Variants in ADPRH observed in about 807,000 individuals in gnomAD.
ADPRH encodes ADP-ribosylarginine hydrolase.
In ADPRH, 27 loss-of-function variants were observed where a neutral mutation model predicts 28.8. That is an observed-to-expected ratio of 0.94 (90% CI 0.69 to 1.29). The LOEUF is 1.29. Ranked by LOEUF, ADPRH falls within the 50% of genes most tolerant of loss-of-function variation. The probability of loss-of-function intolerance (pLI) is 0.00; values close to 1 mark genes in which losing one functional copy is unlikely to be tolerated. For missense variants in ADPRH, 419 were observed against 444.8 expected (o/e 0.94, Z 0.52); for synonymous variants, 161 against 166.9 (o/e 0.96, Z 0.27).
At chr3:119,583,773 T>TA (rs1206336714) in intron 3 of ADPRH, among the ~76,000 whole-genome samples, 1 of 151,494 alleles carries the variant, frequency 6.6e-6, no homozygotes, top group Non-Finnish European at 1.5e-5. Flanking sequence ...AGTGGCCAGT[T>TA]AAAAAAAAAT....
At position 119,587,846 on chromosome 3, in the gene ADPRH, G is replaced by A. The variant is rs895537782; in HGVS notation, c.1042G>A (p.Gly348Arg). 1.2e-5 allele frequency: 19 copies of A among 1,608,610 alleles called. No homozygotes were observed. Among genetic ancestry groups the A allele is most frequent in the East Asian group, 4.5e-5 (2 of 44,788 alleles). ...GACAGCTAGGGCTTTATATTCTCTC[G>A]GGTCAAAAGAAGACACTGTAATTTC... ...EETARALYSL[G>R]SKEDTVISL Residue 348 changes from glycine (G) to arginine (R), a missense_variant, in exon 5 of 5, where the codon GGG (glycine) becomes AGG (arginine). Coordinates refer to ENST00000357003, the MANE Select transcript of ADPRH (RefSeq NM_001125.4).
At chr3:119,581,395 C>T (rs1577122524) in intron 2 of ADPRH, among the ~76,000 whole-genome samples, 1 of 152,132 alleles carries the variant, frequency 6.6e-6, no homozygotes, top group Non-Finnish European at 1.5e-5. Flanking sequence ...TTTATTTATT[C>T]CTAACAACAA....
chr3:119,586,986 T>C (rs753842111), intron 4 of ADPRH, among the ~76,000 whole-genome samples: 5 of 152,254 alleles, frequency 3.3e-5, no homozygotes, highest in Non-Finnish European at 5.9e-5. Context: ...ACAAATAATA[T>C]TTTGAAATCC....
rs115443251 is a variant in ADPRH, at chr3:119,585,026, C to T, written c.299-1259C>T. 3.7e-3 allele frequency among the ~76,000 whole-genome samples: 568 copies of T among 152,264 alleles called. 2 individuals are homozygous for T. Among genetic ancestry groups the T allele is most frequent in the African/African-American group, 0.013 (537 of 41,548 alleles). On this transcript the variant is annotated intron_variant, in intron 3 of 4. Coordinates refer to ENST00000357003, the MANE Select transcript of ADPRH (RefSeq NM_001125.4). The stretch of plus-strand genomic sequence containing the variant: ...ACCACCTCTTTAAAGGCCCTATCTC[C>T]AAATCGAGGTACTTAGAGCTACAGC...
At chr3:119,581,983 C>T in intron 2 of ADPRH, 151 bp from the exon 3 acceptor site, 1 of 576,286 alleles carries the variant, frequency 1.7e-6, no homozygotes, top group East Asian at 2.8e-5. Context: ...GCTTTATATT[C>T]CTCATAGAGC....
chr3:119,580,472 T>C (rs1342264431), intron 1 of ADPRH, 79 bp from the exon 2 acceptor site: 1 of 152,162 alleles, frequency 6.6e-6, no homozygotes, highest in Admixed American at 6.5e-5. Flanking sequence ...ACAAATATCC[T>C]TTGTGAGCTC....
chr3:119,588,165 C>T lies in ADPRH; in HGVS notation c.*287C>T, dbSNP rs1049464483. On this transcript the variant is annotated 3_prime_UTR_variant, in exon 5 of 5. Coordinates refer to ENST00000357003, the MANE Select transcript of ADPRH (RefSeq NM_001125.4). The stretch of plus-strand genomic sequence containing the variant: ...TTTGAGTCTTCATTTTCATCATCTA[C>T]TTGTTCTAAAAGTTTTTTCTGTTTG... 3.7e-5 allele frequency: 10 copies of T among 267,432 alleles called. No homozygotes were observed. Among genetic ancestry groups the T allele is most frequent in the African/African-American group, 2.2e-4 (10 of 45,678 alleles). 16.6% of individuals were successfully genotyped at this position (267,432 alleles called of 1,614,324 possible). A position where few individuals can be genotyped will look rare whatever the true frequency, so the allele number is the denominator to read the frequency against.
Position 119,586,500 on chromosome 3 carries a change from G to A in ADPRH, c.514G>A (p.Ala172Thr). Residue 172 changes from alanine to threonine, a missense_variant, in exon 4 of 5, where the codon GCC becomes ACC. Ala to Thr is a moderately conservative substitution (Grantham distance 58). Transcript: ENST00000357003. ...THHHPTGYLG[A>T]LASALFTAYA... ...CCACCACCCAACAGGCTACCTGGGG[G>A]CCCTTGCGTCTGCTCTTTTTACAGC... The A allele has an allele frequency of 6.2e-7, 1 of 1,614,256 alleles. No individual in the cohort carries two copies. The highest frequency in any genetic ancestry group is 8.5e-7 in the Non-Finnish European group (1 of 1,180,046).
chr3:119,585,286 A>G (rs2082447300), intron 3 of ADPRH, among the ~76,000 whole-genome samples: 1 of 152,200 alleles, frequency 6.6e-6, no homozygotes, highest in Non-Finnish European at 1.5e-5. Context: ...CAGCAGTGCC[A>G]CACTCCATCG....
chr3:119,586,665 C>T lies in ADPRH; in HGVS notation c.659+20C>T, dbSNP rs2082464765. ...ACACTGGTGAGTCTGTAAGCGCACG[C>T]CCTGCTCAAACACGGTTGAATCTGT... On this transcript the variant is annotated intron_variant, in intron 4 of 4. Coordinates refer to ENST00000357003, the MANE Select transcript of ADPRH (RefSeq NM_001125.4). 2.5e-6 allele frequency: 4 copies of T among 1,608,496 alleles called. No individual in the cohort carries two copies. The South Asian group carries it at 4.4e-5, about 18-fold the overall frequency.
chr3:119,581,384 A>T (rs899880783), intron 2 of ADPRH, among the ~76,000 whole-genome samples: 12 of 152,142 alleles, frequency 7.9e-5, no homozygotes, highest in Non-Finnish European at 1.3e-4. Context: ...ATGAAATTTA[A>T]TTTATTTATT....
intron 3 of ADPRH, 78 bp downstream of exon 3, chr3:119,582,545 A>C: frequency 1.4e-6 from 2 of 1,403,724 alleles, no homozygotes; most frequent in Non-Finnish European, 2.0e-6. Context: ...ATGTTGATGG[A>C]GATTTAAATA....
intron 4 of ADPRH, 152 bp downstream of exon 4, chr3:119,586,797 T>C: frequency 1.8e-6 from 2 of 1,139,846 alleles, no homozygotes; most frequent in Non-Finnish European, 2.4e-6. Flanking sequence ...GGATTTCAAG[T>C]TCCCTTCCAG....
chr3:119,586,175 G>T (rs2082456689), intron 3 of ADPRH, 110 bp from the exon 4 acceptor site: 2 of 1,500,136 alleles, frequency 1.3e-6, no homozygotes, highest in Admixed American at 2.0e-5. Context: ...ATATTTTTTG[G>T]CTCTCCCTTT....
Position 119,586,294 on chromosome 3 carries a change from C to T in ADPRH, c.308C>T (p.Ser103Leu), listed in dbSNP as rs367735796. 44 of 1,613,094 alleles carry T rather than the reference C, an allele frequency of 2.7e-5. No individual in the cohort carries two copies. The highest frequency in any genetic ancestry group is 6.7e-5 in the East Asian group (3 of 44,888). The change falls in exon 4 of 5, where the codon TCG becomes TTG. Residue 103 changes from serine (S) to leucine (L), a missense_variant. Ser to Leu is a moderately radical substitution (Grantham distance 145). Transcript: ENST00000357003. ...DMDGRAPGGA[S>L]VHNAMQLKPG... is the part of the protein sequence containing the mutation. ...TCCGACTCTTCCCCAGGTGGTGCCTCGGTGCACAACGCCATGCAGCTGAAG... is the reference window on the plus strand; with the variant it reads ...TCCGACTCTTCCCCAGGTGGTGCCTTGGTGCACAACGCCATGCAGCTGAAG...
Position 119,587,494 on chromosome 3 carries a change from C to A in ADPRH, c.690C>A (p.Tyr230Ter). 1 of 1,562,576 alleles carries A rather than the reference C, an allele frequency of 6.4e-7. No individual in the cohort carries two copies. Among genetic ancestry groups the A allele is most frequent in the South Asian group, 1.2e-5 (1 of 80,962 alleles). ...ACTTCCAAACCAAATGGGAAAATTA[C>A]CTAAAACTTAGAGGGATTTTGGATG... ...WSYFQTKWEN[Y>*]LKLRGILDGE... The change falls in exon 5 of 5, where the codon TAC becomes TAA. Residue 230 changes from tyrosine to a stop codon, truncating the protein, a stop_gained. Coordinates refer to ENST00000357003, the MANE Select transcript of ADPRH (RefSeq NM_001125.4). LOFTEE classifies it high-confidence loss of function.
At chr3:119,583,386 C>T (rs2082425631) in intron 3 of ADPRH, among the ~76,000 whole-genome samples, 1 of 151,704 alleles carries the variant, frequency 6.6e-6, no homozygotes, top group African/African-American at 2.4e-5. Flanking sequence ...AATGTCTCAC[C>T]ACAAAAAAAA....
At chr3:119,584,353 A>G (rs1161633998) in intron 3 of ADPRH, among the ~76,000 whole-genome samples, 1 of 152,062 alleles carries the variant, frequency 6.6e-6, no homozygotes, top group Non-Finnish European at 1.5e-5. Context: ...ATCTGAGGTC[A>G]GGAGTTTGAG....
At chr3:119,583,014 T>C (rs907631867) in intron 3 of ADPRH, among the ~76,000 whole-genome samples, 7 of 152,190 alleles carry the variant, frequency 4.6e-5, no homozygotes, top group African/African-American at 1.7e-4. Flanking sequence ...AATTATCTTC[T>C]GTAAAACCGG....
Sources: gnomAD v4.1 joint callset for allele counts (sites outside exome capture counted in the v4.1 genomes callset) on GRCh38, gnomAD v4.1.1 for gene constraint, MANE v1.5 for transcripts, NCBI Gene and HGNC (gene_info 2026-07-23, HGNC 2026-07-21) for gene names.